Variants in ZFAND3 observed in about 807,000 individuals in gnomAD.
ZFAND3 encodes the protein AN1-type zinc finger protein 3.
In ZFAND3, 10 loss-of-function variants were observed where a neutral mutation model predicts 29.6. The ratio of observed to expected loss-of-function variants is 0.34; its 90% CI spans 0.21 to 0.57. ZFAND3 has a LOEUF of 0.57. ZFAND3 is among the 20% of genes least tolerant of loss of function. The pLI, the probability that ZFAND3 is intolerant of heterozygous loss-of-function variation, is 0.86. For missense variants in ZFAND3, 230 were observed against 304.5 expected, an observed-to-expected ratio of 0.76 and a Z score of 1.82; for synonymous variants, 128 against 112.6, an observed-to-expected ratio of 1.14 and a Z score of -0.87.
At chr6:37,994,398 G>A (rs970579250) in intron 2 of ZFAND3, among the ~76,000 whole-genome samples, 3 of 152,154 alleles carry the variant, frequency 2.0e-5, no homozygotes, top group Non-Finnish European at 4.4e-5. Flanking sequence ...GCAGTCTGAA[G>A]CAGTTCTTAA....
intron 2 of ZFAND3, among the ~76,000 whole-genome samples, chr6:38,011,884 G>C (rs182055370): frequency 6.6e-6 from 1 of 152,226 alleles, no homozygotes; most frequent in East Asian, 1.9e-4. Flanking sequence ...GTTTTAACCT[G>C]TTTCTCAGCT....
At chr6:37,985,468 C>T (rs538169444) in intron 2 of ZFAND3, among the ~76,000 whole-genome samples, 38 of 151,186 alleles carry the variant, frequency 2.5e-4, no homozygotes, top group African/African-American at 9.0e-4. Flanking sequence ...TCTACACACA[C>T]ACATGCGCCT....
rs184536297 is a variant in ZFAND3 at position 37,901,230 on chromosome 6, A to G, written c.72-28729A>G. ...ATAATCGTATATTCCTACCGATAGCATATTAAGGAAGGAAAAGGGCATCCT... is the reference window on the plus strand; with the variant it reads ...ATAATCGTATATTCCTACCGATAGCGTATTAAGGAAGGAAAAGGGCATCCT... On this transcript the variant is annotated intron_variant, in intron 1 of 5. Transcript: ENST00000287218. 1.5e-4 allele frequency among the ~76,000 whole-genome samples: 23 copies of G among 152,330 alleles called. No individual in the cohort carries two copies. In the East Asian group the frequency reaches 4.2e-3, roughly 28 times the overall value.
chr6:38,024,282 C>T (rs774877718), intron 2 of ZFAND3, among the ~76,000 whole-genome samples: 23 of 151,766 alleles, frequency 1.5e-4, no homozygotes, highest in Non-Finnish European at 3.2e-4. Flanking sequence ...ACCATCCTGG[C>T]TAACATGGTG....
chr6:38,018,899 A>C (rs1021402252), intron 2 of ZFAND3, among the ~76,000 whole-genome samples: 1 of 152,066 alleles, frequency 6.6e-6, no homozygotes, highest in East Asian at 1.9e-4. Flanking sequence ...TTACACTCCC[A>C]CTGGCAGTGT....
intron 4 of ZFAND3, among the ~76,000 whole-genome samples, chr6:38,113,600 G>A (rs1378607416): frequency 6.6e-6 from 1 of 152,146 alleles, no homozygotes; most frequent in Non-Finnish European, 1.5e-5. Context: ...GCAGGGCAGG[G>A]GTTGGGGGGT....
intron 1 of ZFAND3, among the ~76,000 whole-genome samples, chr6:37,883,097 C>T (rs1418840255): frequency 6.6e-6 from 1 of 152,130 alleles, no homozygotes; most frequent in Non-Finnish European, 1.5e-5. Flanking sequence ...GAGTTGTGCA[C>T]CTGTAGTCCT....
chr6:37,977,422 C>G (rs149634001), intron 2 of ZFAND3, among the ~76,000 whole-genome samples: 1 of 152,290 alleles, frequency 6.6e-6, no homozygotes, highest in Non-Finnish European at 1.5e-5. Flanking sequence ...GTGCGTTAGC[C>G]TCCCGAGTAG....
At chr6:38,035,815 CCTT>C (rs919647596) in intron 2 of ZFAND3, among the ~76,000 whole-genome samples, 3 of 152,152 alleles carry the variant, frequency 2.0e-5, no homozygotes, top group South Asian at 2.1e-4. Context: ...GCTTGGTTGA[CCTT>C]CTAGGTGAAA....
intron 4 of ZFAND3, among the ~76,000 whole-genome samples, chr6:38,109,841 C>T (rs1003828853): frequency 2.0e-5 from 3 of 152,030 alleles, no homozygotes; most frequent in South Asian, 2.1e-4. Flanking sequence ...CGTTGCTATC[C>T]GGAGGACCAA....
chr6:37,828,632 G>A (rs1763801025), intron 1 of ZFAND3, among the ~76,000 whole-genome samples: 1 of 150,080 alleles, frequency 6.7e-6, no homozygotes, highest in Non-Finnish European at 1.5e-5. Flanking sequence ...GCCTAAGGAG[G>A]CATGGATGGT....
At chr6:37,845,023 C>CA (rs1422440103) in intron 1 of ZFAND3, among the ~76,000 whole-genome samples, 7,814 of 81,186 alleles carry the variant, frequency 0.096, 316 homozygotes, top group Non-Finnish European at 0.15. Context: ...GACTCCGTCT[C>CA]AAAAAAAAAA....
intron 2 of ZFAND3, among the ~76,000 whole-genome samples, chr6:38,049,792 C>T (rs1763982213): frequency 6.6e-6 from 1 of 151,896 alleles, no homozygotes; most frequent in Non-Finnish European, 1.5e-5. Context: ...TCATTTCATC[C>T]TTCAAAAAAA....
At position 38,045,031 on chromosome 6, in the gene ZFAND3, G is replaced by A. The variant is rs545961195; in HGVS notation, c.113-16562G>A. Among the ~76,000 whole-genome samples, 466 of 151,116 alleles carry A rather than the reference G, an allele frequency of 3.1e-3. 3 individuals are homozygous for A. Among genetic ancestry groups the A allele is most frequent in the African/African-American group, 0.011 (442 of 41,282 alleles). On this transcript the variant is annotated intron_variant, in intron 2 of 5. Transcript: ENST00000287218. ...CCTTAAAACCTGTTTAGTTATAGCT[G>A]TCATCTCCCCATGTGGAAATTCTTT...
intron 2 of ZFAND3, among the ~76,000 whole-genome samples, chr6:37,958,904 G>T (rs1203718397): frequency 6.6e-6 from 1 of 152,138 alleles, no homozygotes; most frequent in Admixed American, 6.5e-5. Flanking sequence ...CCATTAATGT[G>T]TCTGTAAAGT....
chr6:37,867,871 C>T (rs1470947220), intron 1 of ZFAND3, among the ~76,000 whole-genome samples: 1 of 152,120 alleles, frequency 6.6e-6, no homozygotes, highest in Non-Finnish European at 1.5e-5. Flanking sequence ...TGGATTCTTG[C>T]CTTGGCTTTC....
intron 1 of ZFAND3, among the ~76,000 whole-genome samples, chr6:37,887,880 G>A (rs754426745): frequency 3.9e-5 from 6 of 152,114 alleles, no homozygotes; most frequent in Non-Finnish European, 7.4e-5. Flanking sequence ...AGTGGCCTTG[G>A]CAAACACATT....
At chr6:38,087,243 A>G (rs770349731) in intron 4 of ZFAND3, among the ~76,000 whole-genome samples, 3 of 152,242 alleles carry the variant, frequency 2.0e-5, no homozygotes, top group Non-Finnish European at 4.4e-5. Context: ...CTACTACAAG[A>G]AAAGATTGGG....
At chr6:38,030,311 T>C (rs1443405821) in intron 2 of ZFAND3, among the ~76,000 whole-genome samples, 1 of 151,724 alleles carries the variant, frequency 6.6e-6, no homozygotes, top group African/African-American at 2.4e-5. Flanking sequence ...ACAGGCATGA[T>C]CTACTGCACC....
Sources: gnomAD v4.1 joint callset for allele counts (sites outside exome capture counted in the v4.1 genomes callset) on GRCh38, gnomAD v4.1.1 for gene constraint, MANE v1.5 for transcripts, NCBI Gene and HGNC (gene_info 2026-07-23, HGNC 2026-07-21) for gene names.